The following MYO3B variants were observed in gnomAD, a reference collection of about 807,000 sequenced individuals.
MYO3B encodes myosin-IIIb.
A neutral mutation model predicts 174.6 loss-of-function variants in MYO3B; 156 were observed. The observed-to-expected ratio is 0.89, with a 90% CI of 0.78 to 1.02. The LOEUF is 1.02. Ranked by LOEUF, MYO3B falls within the 50% of genes least tolerant of loss-of-function variation. MYO3B has a pLI of 0.00. For synonymous variants in MYO3B, 563 were observed against 569.1 expected, an observed-to-expected ratio of 0.99 and a Z score of 0.15; for missense variants, 1,632 against 1,639.4, an observed-to-expected ratio of 1.00 and a Z score of 0.08.
chr2:170,476,155 G>A (rs752569625), intron 25 of MYO3B, among the ~76,000 whole-genome samples: 1 of 152,208 alleles, frequency 6.6e-6, no homozygotes, highest in East Asian at 1.9e-4. Context: ...GGGAAGGGGA[G>A]CACGTGGATG....
intron 32 of MYO3B, among the ~76,000 whole-genome samples, chr2:170,551,657 G>A (rs1382270265): frequency 6.8e-6 from 1 of 146,986 alleles, no homozygotes; most frequent in Non-Finnish European, 1.5e-5. Context: ...ACAGATTATA[G>A]TTGTCTTAAT....
At position 170,583,059 on chromosome 2, in the gene MYO3B, G is replaced by T. The variant is rs918248903; in HGVS notation, c.3733+39071G>T. ...CACTGCAGAGTCTACCCGCCCCACC[G>T]CCTGACACCCCGCACACCCCCCACT... On this transcript the variant is annotated intron_variant, in intron 32 of 34. Coordinates refer to ENST00000408978, the MANE Select transcript of MYO3B (RefSeq NM_138995.5). 3.7e-5 allele frequency among the ~76,000 whole-genome samples: 5 copies of T among 133,850 alleles called. No individual in the cohort carries two copies. The East Asian group carries it at 1.2e-3, about 31-fold the overall frequency. The allele number at this position is 133,850 out of a possible 152,430, so 87.8% of individuals were successfully genotyped here.
At chr2:170,295,587 C>T (rs1172759836) in intron 7 of MYO3B, among the ~76,000 whole-genome samples, 1 of 151,968 alleles carries the variant, frequency 6.6e-6, no homozygotes, top group African/African-American at 2.4e-5. Flanking sequence ...TTTAACATCC[C>T]CTGCTCCCAA....
At chr2:170,535,182 C>T (rs1028646357) in intron 30 of MYO3B, among the ~76,000 whole-genome samples, 18 of 152,120 alleles carry the variant, frequency 1.2e-4, no homozygotes, top group Admixed American at 6.5e-5. Context: ...TCTGCTGTAT[C>T]CCCAGTACTT....
chr2:170,494,499 G>A (rs922740867), intron 25 of MYO3B, among the ~76,000 whole-genome samples: 4 of 151,976 alleles, frequency 2.6e-5, no homozygotes, highest in African/African-American at 9.7e-5. Flanking sequence ...AGGCTGAGGC[G>A]GGCAGATCAC....
intron 22 of MYO3B, among the ~76,000 whole-genome samples, chr2:170,420,542 G>C (rs141043071): frequency 2.0e-5 from 3 of 152,288 alleles, no homozygotes; most frequent in Non-Finnish European, 2.9e-5. Flanking sequence ...GTGGGTGACA[G>C]ATTCTTGTCT....
At chr2:170,523,193 C>T (rs923492286) in intron 30 of MYO3B, among the ~76,000 whole-genome samples, 2 of 152,094 alleles carry the variant, frequency 1.3e-5, no homozygotes, top group Non-Finnish European at 2.9e-5. Flanking sequence ...TTCTTGTATC[C>T]GATATACACA....
chr2:170,384,563 A>G (rs953929852), intron 12 of MYO3B, among the ~76,000 whole-genome samples: 4 of 152,206 alleles, frequency 2.6e-5, no homozygotes, highest in African/African-American at 9.6e-5. Context: ...ACATTATAAC[A>G]ACATAGATTA....
At chr2:170,319,171 C>T (rs1291053226) in intron 7 of MYO3B, among the ~76,000 whole-genome samples, 1 of 152,184 alleles carries the variant, frequency 6.6e-6, no homozygotes, top group Non-Finnish European at 1.5e-5. Flanking sequence ...TCTCAAACTG[C>T]ACTATGAGTT....
In MYO3B at chr2:170,589,245, G is replaced by A. The variant is rs547562196; in HGVS notation, c.3733+45257G>A. On this transcript the variant is annotated intron_variant, in intron 32 of 34. Coordinates refer to ENST00000408978, the MANE Select transcript of MYO3B (RefSeq NM_138995.5). ...GTTTTCGATAATACAGAGGATGTTC[G>A]TGGTGTATTATCTGCTTACAAGAAA... Among the ~76,000 whole-genome samples, 10 of 152,292 alleles carry A rather than the reference G, an allele frequency of 6.6e-5. No individual in the cohort carries two copies. In the South Asian group the frequency reaches 1.7e-3, roughly 25 times the overall value.
At chr2:170,527,169 C>A (rs1689059002) in intron 30 of MYO3B, among the ~76,000 whole-genome samples, 1 of 152,052 alleles carries the variant, frequency 6.6e-6, no homozygotes, top group African/African-American at 2.4e-5. Context: ...TGGGCCATAG[C>A]CAGAGGCAGG....
At chr2:170,208,595 G>A (rs1297977272) in intron 3 of MYO3B, among the ~76,000 whole-genome samples, 1 of 152,126 alleles carries the variant, frequency 6.6e-6, no homozygotes, top group Non-Finnish European at 1.5e-5. Flanking sequence ...GAGATTCCTG[G>A]TTGGTTCACA....
intron 7 of MYO3B, among the ~76,000 whole-genome samples, chr2:170,335,035 T>G (rs993451861): frequency 3.3e-5 from 5 of 152,184 alleles, no homozygotes; most frequent in African/African-American, 1.2e-4. Flanking sequence ...CCCCTAGCAC[T>G]ATGTTTAGAG....
Position 170,543,880 on chromosome 2 carries a change from G to A in MYO3B, c.3637-12G>A. On this transcript the variant is annotated splice_polypyrimidine_tract_variant and intron_variant, in intron 31 of 34. Transcript: ENST00000408978. Reference sequence around the variant, plus strand: ...ATAAGAATAATATTTCTCTTACTGGGTTTTTCTGAAGCACTCGGTTTCTGG... The same window carrying A: ...ATAAGAATAATATTTCTCTTACTGGATTTTTCTGAAGCACTCGGTTTCTGG... The A allele has an allele frequency of 6.2e-7, 1 of 1,608,454 alleles. No homozygotes were observed. Among genetic ancestry groups the A allele is most frequent in the Non-Finnish European group, 8.5e-7 (1 of 1,175,516 alleles).
intron 30 of MYO3B, among the ~76,000 whole-genome samples, chr2:170,538,463 C>G (rs1689867625): frequency 6.6e-6 from 1 of 152,314 alleles, no homozygotes; most frequent in East Asian, 1.9e-4. Context: ...GGTGACTTCA[C>G]CTAGTGCCAC....
chr2:170,466,737 A>G (rs1684662957), intron 25 of MYO3B, 26 bp downstream of exon 25: 11 of 1,608,148 alleles, frequency 6.8e-6, no homozygotes, highest in Non-Finnish European at 9.4e-6. Context: ...ACGGGAATGC[A>G]TTCTTATAAA....
intron 25 of MYO3B, among the ~76,000 whole-genome samples, chr2:170,476,365 T>C (rs780246988): frequency 1.3e-4 from 20 of 152,190 alleles, no homozygotes; most frequent in Non-Finnish European, 2.6e-4. Flanking sequence ...AGTGGGCCAG[T>C]GTGATAGCTT....
chr2:170,427,067 T>C (rs983031590), intron 22 of MYO3B, among the ~76,000 whole-genome samples: 2 of 151,446 alleles, frequency 1.3e-5, no homozygotes, highest in African/African-American at 4.9e-5. Flanking sequence ...TTCAAAGAGG[T>C]TGTAACATCT....
At chr2:170,486,007 G>GGAGAGAGA (rs138105393) in intron 25 of MYO3B, among the ~76,000 whole-genome samples, 16,745 of 149,850 alleles carry the variant, frequency 0.11, 1,082 homozygotes, top group South Asian at 0.24. Context: ...AAAGAAAGAG[G>GGAGAGAGA]GAGAGAGAGA....
Sources: gnomAD v4.1 joint callset for allele counts (sites outside exome capture counted in the v4.1 genomes callset) on GRCh38, gnomAD v4.1.1 for gene constraint, MANE v1.5 for transcripts, NCBI Gene and HGNC (gene_info 2026-07-23, HGNC 2026-07-21) for gene names.